The following AFAP1L2 variants were observed in gnomAD, a reference collection of about 807,000 sequenced individuals.
The protein encoded by AFAP1L2 is actin filament-associated protein 1-like 2.
A neutral mutation model predicts 99.3 loss-of-function variants in AFAP1L2; 46 were observed. The observed-to-expected ratio is 0.46, with a 90% CI of 0.37 to 0.59. The LOEUF (loss-of-function observed/expected upper bound fraction) is 0.59. Ranked by LOEUF, AFAP1L2 falls within the 20% of genes least tolerant of loss-of-function variation. The pLI is 0.00. For missense variants in AFAP1L2, 959 were observed against 1,034.9 expected (o/e 0.93, Z 1.01); for synonymous variants, 397 against 419.1 (o/e 0.95, Z 0.64).
chr10:114,399,889 A>T (rs780131874), intron 1 of AFAP1L2, among the ~76,000 whole-genome samples: 2 of 152,212 alleles, frequency 1.3e-5, no homozygotes, highest in Non-Finnish European at 2.9e-5. Flanking sequence ...GTGACCACAG[A>T]ACAACTAGCA....
intron 4 of AFAP1L2, among the ~76,000 whole-genome samples, chr10:114,327,974 C>T (rs2135466080): frequency 6.6e-6 from 1 of 152,342 alleles, no homozygotes; most frequent in African/African-American, 2.4e-5. Flanking sequence ...GTGGTTTCCC[C>T]CACAGAGAAG....
chr10:114,328,228 T>C (rs1184586212), intron 4 of AFAP1L2, among the ~76,000 whole-genome samples: 1 of 152,128 alleles, frequency 6.6e-6, no homozygotes. Context: ...TGCTCTCTAC[T>C]GAGTCTGTAG....
intron 1 of AFAP1L2, among the ~76,000 whole-genome samples, chr10:114,358,286 GCAGT>G (rs764573523): frequency 6.6e-6 from 1 of 152,094 alleles, no homozygotes; most frequent in Non-Finnish European, 1.5e-5. Context: ...CAATAATAAA[GCAGT>G]CAAAGAAAAA....
the AFAP1L2 span, chr10:114,281,810 T>C: frequency 1.1e-6 from 1 of 939,268 alleles, no homozygotes; most frequent in Non-Finnish European, 1.3e-6. Flanking sequence ...ATAGAATTAC[T>C]ATACAAAGAG....
intron 7 of AFAP1L2, among the ~76,000 whole-genome samples, chr10:114,311,521 T>A (rs758214): frequency 0.66 from 101,031 of 152,192 alleles, 39,069 homozygotes; most frequent in Non-Finnish European, 0.85. Context: ...TTGGCACCTG[T>A]GTGACATTGA....
chr10:114,281,160 G>A, the AFAP1L2 span: 1 of 152,292 alleles, frequency 6.6e-6, no homozygotes, highest in Non-Finnish European at 1.5e-5. Context: ...GGGCAGCCCA[G>A]GGTGGGATCT....
Position 114,313,859 on chromosome 10 carries a change from T to C in AFAP1L2, c.792+12A>G, listed in dbSNP as rs1590065394. The C allele has an allele frequency of 2.5e-6, 4 of 1,589,540 alleles. No homozygotes were observed. Among genetic ancestry groups the C allele is most frequent in the African/African-American group, 1.3e-5 (1 of 74,622 alleles). On this transcript the variant is annotated intron_variant, in intron 7 of 18. Coordinates refer to ENST00000304129, the MANE Select transcript of AFAP1L2 (RefSeq NM_001001936.3). ...CTAGGAACCCCTCCAAGTGGCTCGG[T>C]GTCGCCCTCACCCTGAGCCACTGCT...
chr10:114,297,154 C>T (rs1447000333), intron 17 of AFAP1L2, 54 bp from the exon 18 acceptor site: 1 of 1,600,484 alleles, frequency 6.2e-7, no homozygotes, highest in Non-Finnish European at 8.5e-7. Context: ...AGATGTGACC[C>T]ACCCACCCCA....
intron 1 of AFAP1L2, among the ~76,000 whole-genome samples, chr10:114,396,091 T>C (rs605654): frequency 0.86 from 131,407 of 152,150 alleles, 57,189 homozygotes; most frequent in Middle Eastern, 0.94. Context: ...TTGGATGTGT[T>C]TGTGATTTTA....
chr10:114,289,442 C>T, the AFAP1L2 span: 1 of 1,614,036 alleles, frequency 6.2e-7, no homozygotes, highest in Non-Finnish European at 8.5e-7. Flanking sequence ...GCAGCTTACG[C>T]CGACCTGCGG....
chr10:114,284,671 G>A, the AFAP1L2 span, among the ~76,000 whole-genome samples: 3 of 152,214 alleles, frequency 2.0e-5, no homozygotes, highest in Admixed American at 6.5e-5. Flanking sequence ...TTTACCACCC[G>A]TGCCCAGCCC....
chr10:114,289,322 C>T, the AFAP1L2 span: 1 of 1,614,214 alleles, frequency 6.2e-7, no homozygotes, highest in South Asian at 1.1e-5. Flanking sequence ...GCCGTTCCTG[C>T]CCAGAAGCTG....
intron 1 of AFAP1L2, among the ~76,000 whole-genome samples, chr10:114,391,784 T>C (rs2057186105): frequency 6.6e-6 from 1 of 152,130 alleles, no homozygotes; most frequent in African/African-American, 2.4e-5. Flanking sequence ...TTCAAACCAA[T>C]TGACCAGCAC....
At chr10:114,345,090 C>T (rs1335752055) in intron 1 of AFAP1L2, among the ~76,000 whole-genome samples, 2 of 148,526 alleles carry the variant, frequency 1.3e-5, no homozygotes, top group African/African-American at 5.0e-5. Flanking sequence ...CAGCAAGACT[C>T]CATCTCAAAA....
rs779358110 is a variant in AFAP1L2, at chr10:114,315,621, C to T, written c.551G>A (p.Arg184His). ...RDARICAFLW[R>H]KKWLGQWAKQ... Reference sequence around the variant, plus strand: ...GGCCCACTGTCCCAGCCACTTCTTGCGCCACAGGAAGGCGCAGATGCGGGC... The same window carrying T: ...GGCCCACTGTCCCAGCCACTTCTTGTGCCACAGGAAGGCGCAGATGCGGGC... Residue 184 changes from arginine (R) to histidine (H), a missense_variant, in exon 6 of 19, where the codon CGC becomes CAC. Around this residue, in one of 2 missense-constraint regions of AFAP1L2, gnomAD observed 383 missense variants for 472.8 expected, o/e 0.81. Transcript: ENST00000304129. 9 of 1,614,134 alleles carry T rather than the reference C, an allele frequency of 5.6e-6. No homozygotes were observed. The highest frequency in any genetic ancestry group is 1.1e-5 in the South Asian group (1 of 91,082).
intron 11 of AFAP1L2, among the ~76,000 whole-genome samples, chr10:114,304,182 A>G (rs1298686511): frequency 6.6e-6 from 1 of 152,222 alleles, no homozygotes; most frequent in Non-Finnish European, 1.5e-5. Context: ...GTGAACGGAC[A>G]TTCACGGGCA....
At chr10:114,315,167 A>AC (rs1342929268) in intron 6 of AFAP1L2, among the ~76,000 whole-genome samples, 3 of 151,838 alleles carry the variant, frequency 2.0e-5, no homozygotes, top group Admixed American at 6.6e-5. Context: ...AAACAAAACA[A>AC]AACAACAACA....
chr10:114,371,965 GA>G (rs924108942), intron 1 of AFAP1L2, among the ~76,000 whole-genome samples: 3 of 149,896 alleles, frequency 2.0e-5, no homozygotes, highest in African/African-American at 4.9e-5. Context: ...TTTTATCAAG[GA>G]AAAAAAAAGA....
downstream of AFAP1L2, chr10:114,290,507 T>C: frequency 8.6e-7 from 1 of 1,167,080 alleles, no homozygotes; most frequent in Non-Finnish European, 1.2e-6. Context: ...ACGAAACATT[T>C]AGTGAGTACC....
Sources: allele counts gnomAD v4.1 joint callset (sites outside exome capture counted in the v4.1 genomes callset), GRCh38; gene constraint gnomAD v4.1.1; regional missense constraint gnomAD v4.1.1; transcripts MANE v1.5; gene names NCBI Gene and HGNC (gene_info 2026-07-23, HGNC 2026-07-21).